The following PDLIM5 variants were observed in gnomAD, a reference collection of about 807,000 sequenced individuals.
PDLIM5 encodes PDZ and LIM domain 5.
A neutral mutation model predicts 64.2 loss-of-function variants in PDLIM5; 34 were observed. The observed-to-expected ratio is 0.53, with a 90% CI of 0.40 to 0.71. The LOEUF (loss-of-function observed/expected upper bound fraction) is 0.71, where lower values mean the gene tolerates loss of function less well. Ranked by LOEUF, PDLIM5 falls within the 30% of genes least tolerant of loss-of-function variation. The pLI is 0.00. For synonymous variants in PDLIM5, 253 were observed against 269.1 expected (o/e 0.94, Z 0.59); for missense variants, 683 against 733.6 (o/e 0.93, Z 0.80).
intron 2 of PDLIM5, among the ~76,000 whole-genome samples, chr4:94,495,272 G>A (rs1424425666): frequency 1.3e-5 from 2 of 152,132 alleles, no homozygotes; most frequent in Non-Finnish European, 2.9e-5. Context: ...ACTTGTGTTT[G>A]TGAACATACA....
intron 7 of PDLIM5, among the ~76,000 whole-genome samples, chr4:94,603,185 G>T (rs1043867437): frequency 1.3e-5 from 2 of 152,082 alleles, no homozygotes; most frequent in African/African-American, 4.8e-5. Context: ...AGCACTTTGG[G>T]TATTATCCTA....
At chr4:94,473,001 T>C (rs1304881548) in intron 2 of PDLIM5, among the ~76,000 whole-genome samples, 1 of 152,120 alleles carries the variant, frequency 6.6e-6, no homozygotes, top group Non-Finnish European at 1.5e-5. Flanking sequence ...GGTGATAAAA[T>C]GGTATGGAGC....
chr4:94,636,777 CG>C (rs1740608371), intron 8 of PDLIM5, among the ~76,000 whole-genome samples: 1 of 152,000 alleles, frequency 6.6e-6, no homozygotes, highest in Non-Finnish European at 1.5e-5. Context: ...TCTCATGATC[CG>C]CCCGCCTCGG....
chr4:94,545,803 G>T (rs928589560), intron 3 of PDLIM5, among the ~76,000 whole-genome samples: 1 of 152,108 alleles, frequency 6.6e-6, no homozygotes, highest in Non-Finnish European at 1.5e-5. Flanking sequence ...ATTTGTTAAG[G>T]TCATGGTAGT....
chr4:94,589,042 C>G (rs969941941), intron 7 of PDLIM5, among the ~76,000 whole-genome samples: 1 of 152,190 alleles, frequency 6.6e-6, no homozygotes, highest in African/African-American at 2.4e-5. Flanking sequence ...CCAGTTATAA[C>G]TGTGTCTCTG....
At chr4:94,464,059 A>G (rs72874785) in intron 2 of PDLIM5, among the ~76,000 whole-genome samples, 2,956 of 152,276 alleles carry the variant, frequency 0.019, 75 homozygotes, top group African/African-American at 0.061. Flanking sequence ...TGCCAGGGAT[A>G]TTTATATTTT....
intron 4 of PDLIM5, among the ~76,000 whole-genome samples, chr4:94,575,290 T>C (rs1735151185): frequency 6.6e-6 from 1 of 152,216 alleles, no homozygotes; most frequent in South Asian, 2.1e-4. Context: ...CATTTTTCCT[T>C]TGGAATATGC....
At chr4:94,637,106 G>A (rs1740635500) in intron 8 of PDLIM5, among the ~76,000 whole-genome samples, 1 of 152,140 alleles carries the variant, frequency 6.6e-6, no homozygotes, top group East Asian at 1.9e-4. Context: ...CTATAGCATA[G>A]TTTAAGAGCA....
chr4:94,563,232 A>G (rs1159399053), intron 3 of PDLIM5, among the ~76,000 whole-genome samples: 1 of 152,192 alleles, frequency 6.6e-6, no homozygotes, highest in East Asian at 1.9e-4. Flanking sequence ...ATTTAATAAT[A>G]TGAGATTTAG....
chr4:94,477,289 G>C (rs769449909), intron 2 of PDLIM5, among the ~76,000 whole-genome samples: 2 of 152,142 alleles, frequency 1.3e-5, no homozygotes, highest in African/African-American at 2.4e-5. Flanking sequence ...CTATATCCTG[G>C]TATTTAGGAA....
At chr4:94,659,916 A>G (rs1382671959) in intron 11 of PDLIM5, among the ~76,000 whole-genome samples, 1 of 116,452 alleles carries the variant, frequency 8.6e-6, no homozygotes, top group Admixed American at 8.8e-5. Context: ...TTTTTTTTTG[A>G]GATGGAGTCT....
chr4:94,518,624 C>T (rs1729566702), intron 2 of PDLIM5, among the ~76,000 whole-genome samples: 1 of 152,048 alleles, frequency 6.6e-6, no homozygotes, highest in African/African-American at 2.4e-5. Context: ...AAAATTTACT[C>T]GAAATTATAG....
chr4:94,583,287 C>A (rs1014438100), intron 5 of PDLIM5, among the ~76,000 whole-genome samples: 2 of 152,074 alleles, frequency 1.3e-5, no homozygotes, highest in Non-Finnish European at 2.9e-5. Context: ...GTACTTTTTA[C>A]AAGTGTGTCA....
intron 7 of PDLIM5, among the ~76,000 whole-genome samples, chr4:94,590,136 G>A (rs950783225): frequency 6.6e-6 from 1 of 152,206 alleles, no homozygotes; most frequent in Non-Finnish European, 1.5e-5. Context: ...ATGGTCCAAT[G>A]TATTTTTGTT....
intron 3 of PDLIM5, among the ~76,000 whole-genome samples, chr4:94,548,169 T>C (rs1170190285): frequency 6.6e-6 from 1 of 152,166 alleles, no homozygotes; most frequent in East Asian, 1.9e-4. Flanking sequence ...ACTTTTGTTT[T>C]CTTAATAAAG....
chr4:94,649,800 G>C (rs1166115354), intron 9 of PDLIM5, among the ~76,000 whole-genome samples: 4 of 152,146 alleles, frequency 2.6e-5, no homozygotes, highest in African/African-American at 9.7e-5. Flanking sequence ...ATCTCAAAAA[G>C]AATTGACTGT....
chr4:94,607,707 T>C (rs935096668), intron 7 of PDLIM5, among the ~76,000 whole-genome samples: 2 of 152,134 alleles, frequency 1.3e-5, no homozygotes, highest in African/African-American at 2.4e-5. Flanking sequence ...CCTTACTAGA[T>C]GTATGGTATT....
intron 2 of PDLIM5, among the ~76,000 whole-genome samples, chr4:94,476,669 A>G (rs1397756262): frequency 6.6e-6 from 1 of 152,146 alleles, no homozygotes; most frequent in Non-Finnish European, 1.5e-5. Context: ...TATTGGTTTC[A>G]TACTTAAATT....
chr4:94,527,777 C>G (rs894033228), intron 3 of PDLIM5, among the ~76,000 whole-genome samples: 5 of 152,178 alleles, frequency 3.3e-5, no homozygotes, highest in Admixed American at 2.0e-4. Context: ...TTTTGTACCC[C>G]CTTCCTTGTA....
Sources: allele counts gnomAD v4.1 joint callset (sites outside exome capture counted in the v4.1 genomes callset), GRCh38; gene constraint gnomAD v4.1.1; transcripts MANE v1.5; gene names NCBI Gene and HGNC (gene_info 2026-07-23, HGNC 2026-07-21).